The following DOK6 variants were observed in gnomAD, a reference collection of about 807,000 sequenced individuals.
DOK6 encodes the protein docking protein 6.
DOK6 carries 22 observed loss-of-function variants against 44.0 expected under a neutral mutation model. That is an observed-to-expected ratio of 0.50 (90% CI 0.36 to 0.71). The LOEUF is 0.71. Ranked by LOEUF, DOK6 falls within the 30% of genes least tolerant of loss-of-function variation. DOK6 has a pLI of 0.00. For synonymous variants in DOK6, 166 were observed against 145.5 expected (o/e 1.14, Z -1.01); for missense variants, 340 against 416.4 (o/e 0.82, Z 1.60).
At chr18:69,829,589 G>A (rs1015517611) in intron 7 of DOK6, among the ~76,000 whole-genome samples, 1 of 151,888 alleles carries the variant, frequency 6.6e-6, no homozygotes, top group African/African-American at 2.4e-5. Context: ...TAGAGTGAGA[G>A]CCAAGATAAA....
intron 1 of DOK6, among the ~76,000 whole-genome samples, chr18:69,529,121 C>T (rs888523346): frequency 6.6e-6 from 1 of 152,146 alleles, no homozygotes; most frequent in Non-Finnish European, 1.5e-5. Flanking sequence ...TCCTCACTAC[C>T]TGCAACGAAA....
intron 3 of DOK6, among the ~76,000 whole-genome samples, chr18:69,664,012 G>C (rs909224378): frequency 2.0e-5 from 3 of 152,166 alleles, no homozygotes; most frequent in African/African-American, 7.2e-5. Context: ...GGGTGACTAG[G>C]CAACAAATAC....
chr18:69,401,444 C>G, intron 1 of DOK6, 134 bp downstream of exon 1: 1 of 1,008,500 alleles, frequency 9.9e-7, no homozygotes. Context: ...GGATGGCCCG[C>G]TTGTTGCTTG....
chr18:69,618,230 G>A (rs1167487164), intron 3 of DOK6, among the ~76,000 whole-genome samples: 1 of 152,128 alleles, frequency 6.6e-6, no homozygotes, highest in Non-Finnish European at 1.5e-5. Context: ...TTTAAACCAC[G>A]CAGTTTGTGA....
intron 1 of DOK6, among the ~76,000 whole-genome samples, chr18:69,554,489 C>T (rs774687139): frequency 6.6e-6 from 1 of 152,142 alleles, no homozygotes; most frequent in African/African-American, 2.4e-5. Context: ...GAGATTTGCA[C>T]GTGAGGTTCT....
intron 1 of DOK6, among the ~76,000 whole-genome samples, chr18:69,541,652 A>G (rs1982272183): frequency 6.6e-6 from 1 of 151,514 alleles, no homozygotes; most frequent in Non-Finnish European, 1.5e-5. Context: ...TTTGACATAC[A>G]AAGTTTTACC....
intron 1 of DOK6, among the ~76,000 whole-genome samples, chr18:69,425,053 T>C (rs1420943256): frequency 6.6e-6 from 1 of 152,118 alleles, no homozygotes; most frequent in African/African-American, 2.4e-5. Flanking sequence ...ATATTTTACA[T>C]GTGCAGTCTA....
chr18:69,539,967 T>C (rs1444838120), intron 1 of DOK6, among the ~76,000 whole-genome samples: 1 of 151,880 alleles, frequency 6.6e-6, no homozygotes, highest in Non-Finnish European at 1.5e-5. Context: ...TGGCAGTAGG[T>C]GAAGGGGAAG....
At chr18:69,616,335 C>G (rs1446066971) in intron 3 of DOK6, among the ~76,000 whole-genome samples, 2 of 152,150 alleles carry the variant, frequency 1.3e-5, no homozygotes, top group Admixed American at 1.3e-4. Context: ...CCATGCCATG[C>G]TCATTGCTGG....
At position 69,694,790 on chromosome 18, in the gene DOK6, G is replaced by A. The variant is rs113769297; in HGVS notation, c.410-3614G>A. On this transcript the variant is annotated intron_variant, in intron 4 of 7. Coordinates refer to ENST00000382713, the MANE Select transcript of DOK6 (RefSeq NM_152721.6). The stretch of plus-strand genomic sequence containing the variant: ...ATTTAAACAATTAGTTTCCTTTTCA[G>A]TACTTTTGGGTATTTGGGAATGGGT... 5.1e-3 allele frequency among the ~76,000 whole-genome samples: 771 copies of A among 152,180 alleles called. 6 individuals are homozygous for A. Among genetic ancestry groups the A allele is most frequent in the African/African-American group, 0.018 (755 of 41,512 alleles).
At chr18:69,813,152 C>T (rs932861170) in intron 7 of DOK6, among the ~76,000 whole-genome samples, 1 of 152,118 alleles carries the variant, frequency 6.6e-6, no homozygotes, top group Non-Finnish European at 1.5e-5. Context: ...GACAAGGGCA[C>T]TACTTTATTT....
chr18:69,767,209 G>T (rs767355249), intron 7 of DOK6, among the ~76,000 whole-genome samples: 2 of 152,094 alleles, frequency 1.3e-5, no homozygotes, highest in Non-Finnish European at 2.9e-5. Context: ...TCCAGCCTGG[G>T]CGACAGAGTG....
intron 7 of DOK6, among the ~76,000 whole-genome samples, chr18:69,813,864 C>T (rs566005157): frequency 3.8e-4 from 58 of 152,182 alleles, no homozygotes; most frequent in Non-Finnish European, 7.4e-4. Flanking sequence ...TCAGTTTTTC[C>T]GAGTGCTAAG....
chr18:69,633,143 A>G (rs9953532), intron 3 of DOK6, among the ~76,000 whole-genome samples: 144,658 of 152,286 alleles, frequency 0.95, 69,153 homozygotes, highest in East Asian at 1. Flanking sequence ...TTTTCTTCCC[A>G]GAGTACATGT....
intron 3 of DOK6, among the ~76,000 whole-genome samples, chr18:69,629,781 TTGTTTTTGTTTGTTTG>T (rs897952865): frequency 2.7e-5 from 4 of 149,992 alleles, no homozygotes; most frequent in African/African-American, 4.9e-5. Flanking sequence ...TTTTGTTTGT[TTGTTTTTGTTTGTTTG>T]TTTGTTTGTT....
chr18:69,756,810 G>T (rs577599443), intron 6 of DOK6, among the ~76,000 whole-genome samples: 1 of 152,342 alleles, frequency 6.6e-6, no homozygotes, highest in East Asian at 1.9e-4. Context: ...ATTTGACAGA[G>T]ATGATCTTTG....
intron 3 of DOK6, among the ~76,000 whole-genome samples, chr18:69,666,393 T>C (rs952197809): frequency 2.0e-5 from 3 of 152,176 alleles, no homozygotes; most frequent in African/African-American, 7.2e-5. Flanking sequence ...CAGTGACACA[T>C]AGCATCACCC....
intron 7 of DOK6, among the ~76,000 whole-genome samples, chr18:69,809,695 A>G (rs1340296221): frequency 6.6e-6 from 1 of 151,676 alleles, no homozygotes; most frequent in Non-Finnish European, 1.5e-5. Context: ...ATACACTAAC[A>G]AAAAAAATCA....
intron 5 of DOK6, among the ~76,000 whole-genome samples, chr18:69,712,316 A>G (rs1986782056): frequency 9.4e-6 from 1 of 106,372 alleles, no homozygotes; most frequent in Non-Finnish European, 1.9e-5. Context: ...AAAAAAAAAA[A>G]AAAAAAAAAA....
Sources: gnomAD v4.1 joint callset for allele counts (sites outside exome capture counted in the v4.1 genomes callset) on GRCh38, gnomAD v4.1.1 for gene constraint, MANE v1.5 for transcripts, NCBI Gene and HGNC (gene_info 2026-07-23, HGNC 2026-07-21) for gene names.